The following ZFYVE27 variants were observed in gnomAD, a reference collection of about 807,000 sequenced individuals.
ZFYVE27 encodes zinc finger FYVE-type containing 27, also known as protrudin.
A neutral mutation model predicts 52.8 loss-of-function variants in ZFYVE27; 36 were observed. The ratio of observed to expected loss-of-function variants is 0.68; its 90% CI spans 0.52 to 0.90. The LOEUF (loss-of-function observed/expected upper bound fraction) is 0.90. Ranked by LOEUF, ZFYVE27 falls within the 40% of genes least tolerant of loss-of-function variation. ZFYVE27 has a pLI of 0.00. For synonymous variants in ZFYVE27, 223 were observed against 215.6 expected, an observed-to-expected ratio of 1.03 and a Z score of -0.30; for missense variants, 450 against 527.2, an observed-to-expected ratio of 0.85 and a Z score of 1.43.
At chr10:97,752,756 C>T (rs1238141506) in intron 8 of ZFYVE27, 101 bp from the exon 9 acceptor site, 2 of 1,349,092 alleles carry the variant, frequency 1.5e-6, no homozygotes, top group Non-Finnish European at 2.1e-6. Flanking sequence ...AGCAGCGCTT[C>T]CATGCTTCCT....
intron 3 of ZFYVE27, 116 bp downstream of exon 3, chr10:97,743,280 C>A: frequency 1.6e-6 from 2 of 1,218,236 alleles, no homozygotes; most frequent in Non-Finnish European, 2.4e-6. Flanking sequence ...AGTTAGTGTT[C>A]CTCTGTGTCT....
intron 4 of ZFYVE27, among the ~76,000 whole-genome samples, chr10:97,745,258 C>T (rs1205633867): frequency 6.6e-6 from 1 of 151,926 alleles, no homozygotes; most frequent in Non-Finnish European, 1.5e-5. Context: ...CTCACTGCAA[C>T]CTCCGCCTTC....
chr10:97,744,593 G>A (rs1038575544), intron 3 of ZFYVE27, 136 bp from the exon 4 acceptor site: 3 of 982,108 alleles, frequency 3.1e-6, no homozygotes, highest in Admixed American at 4.0e-5. Context: ...GTGAGACACT[G>A]TGTCGTACAG....
chr10:97,752,945 C>T (rs2136256153), intron 9 of ZFYVE27, 68 bp downstream of exon 9: 2 of 1,613,088 alleles, frequency 1.2e-6, no homozygotes, highest in East Asian at 2.2e-5. Flanking sequence ...GCTGCTGCCA[C>T]ACCTCGTGGG....
At chr10:97,757,512 C>T in intron 11 of ZFYVE27, 130 bp from the exon 12 acceptor site, 1 of 1,285,574 alleles carries the variant, frequency 7.8e-7, no homozygotes, top group Non-Finnish European at 1.1e-6. Flanking sequence ...TGCTCTCTTT[C>T]CTGCTCCACT....
chr10:97,757,519 C>T lies in ZFYVE27; in HGVS notation c.1090-123C>T, dbSNP rs2048682625. 3.8e-6 allele frequency: 5 copies of T among 1,307,904 alleles called. No individual in the cohort carries two copies. The Admixed American group carries it at 8.4e-5, about 22-fold the overall frequency. 81.0% of individuals were successfully genotyped at this position (1,307,904 alleles called of 1,614,324 possible). A position where few individuals can be genotyped will look rare whatever the true frequency, so the allele number is the denominator to read the frequency against. On this transcript the variant is annotated intron_variant, in intron 11 of 12. Transcript: ENST00000684270. ...ATTCCATTTGCTCTCTTTCCTGCTC[C>T]ACTTGGGCACCCCCCAGGCCCAGTT...
chr10:97,751,613 C>T, intron 8 of ZFYVE27, 151 bp downstream of exon 8: 2 of 784,392 alleles, frequency 2.5e-6, no homozygotes, highest in South Asian at 1.5e-5. Context: ...GCCACTGAAC[C>T]CCTCCCCACT....
chr10:97,759,665 CTG>C lies in ZFYVE27; in HGVS notation c.*368_*369del, dbSNP rs1259259027. 1 of 373,078 alleles carries C rather than the reference CTG, an allele frequency of 2.7e-6. No homozygotes were observed. The highest frequency in any genetic ancestry group is 5.1e-6 in the Non-Finnish European group (1 of 194,604). The allele number at this position is 373,078 out of a possible 1,614,324, so 23.1% of individuals were successfully genotyped here. ...GGTCTGAAGATCAGGGTCAGTGTGGCTGTGCCTGGGAATTCCAGACCTGAGGT... is the reference window on the plus strand; with the variant it reads ...GGTCTGAAGATCAGGGTCAGTGTGGCTGCCTGGGAATTCCAGACCTGAGGT... On this transcript the variant is annotated 3_prime_UTR_variant, in exon 13 of 13. Coordinates refer to ENST00000684270, the MANE Select transcript of ZFYVE27 (RefSeq NM_001385875.1).
intron 3 of ZFYVE27, 68 bp downstream of exon 3, chr10:97,743,232 C>A: frequency 6.4e-7 from 1 of 1,554,996 alleles, no homozygotes; most frequent in Non-Finnish European, 8.9e-7. Context: ...CTGGATGCAG[C>A]CCCACCCTAT....
At chr10:97,738,886 C>A in intron 2 of ZFYVE27, 1 of 594,126 alleles carries the variant, frequency 1.7e-6, no homozygotes. Context: ...AATGATCCTG[C>A]CTTTCAGCAA....
chr10:97,738,845 C>G (rs2042803488), intron 2 of ZFYVE27, 171 bp downstream of exon 2: 2 of 705,442 alleles, frequency 2.8e-6, no homozygotes, highest in Non-Finnish European at 5.0e-6. Context: ...CCCTGTGTCT[C>G]AGGCCCAGCC....
chr10:97,748,094 G>T (rs1483986073), intron 4 of ZFYVE27, among the ~76,000 whole-genome samples, 175 bp from the exon 5 acceptor site: 1 of 152,176 alleles, frequency 6.6e-6, no homozygotes, highest in Non-Finnish European at 1.5e-5. Context: ...AATGTAGCTG[G>T]GGTGGCTTAG....
intron 12 of ZFYVE27, 34 bp downstream of exon 12, chr10:97,757,757 G>A (rs780098291): frequency 3.1e-6 from 5 of 1,606,670 alleles, no homozygotes; most frequent in Non-Finnish European, 2.6e-6. Context: ...GGCTTGGTTG[G>A]TATCCCGCCC....
intron 10 of ZFYVE27, among the ~76,000 whole-genome samples, chr10:97,755,929 G>A (rs149824580): frequency 3.7e-3 from 569 of 152,286 alleles, no homozygotes; most frequent in Non-Finnish European, 6.1e-3. Context: ...AGAGTTGGTA[G>A]GTGTTGGAAG....
Position 97,759,444 on chromosome 10 carries a change from C to G in ZFYVE27, c.*144C>G, listed in dbSNP as rs376690954. The G allele has an allele frequency of 7.3e-6, 6 of 826,412 alleles. No homozygotes were observed. The South Asian group carries it at 8.7e-5, about 12-fold the overall frequency. The allele number at this position is 826,412 out of a possible 1,614,324, so 51.2% of individuals were successfully genotyped here. ...AGGCTTCCCCTTCCTTCCTCACTCT[C>G]TCCAGCTGGATTCTGGAGCTGTTCT... On this transcript the variant is annotated 3_prime_UTR_variant, in exon 13 of 13. Transcript: ENST00000684270.
chr10:97,751,327 G>A (rs764701350), intron 7 of ZFYVE27, 64 bp from the exon 8 acceptor site: 1 of 1,574,416 alleles, frequency 6.4e-7, no homozygotes, highest in African/African-American at 1.3e-5. Flanking sequence ...TGGGGAGGTG[G>A]TCCTCTGCCT....
chr10:97,752,710 G>A (rs2047303941), intron 8 of ZFYVE27, 147 bp from the exon 9 acceptor site: 3 of 913,752 alleles, frequency 3.3e-6, no homozygotes, highest in Non-Finnish European at 5.2e-6. Flanking sequence ...GGGGGCGTCT[G>A]TCAATGTCAC....
At chr10:97,750,227 G>A in intron 6 of ZFYVE27, 104 bp from the exon 7 acceptor site, 1 of 1,430,120 alleles carries the variant, frequency 7.0e-7, no homozygotes, top group Non-Finnish European at 9.7e-7. Context: ...CTTTCCTGTA[G>A]TGAAGGGAAG....
At chr10:97,752,937 T>G in intron 9 of ZFYVE27, 60 bp downstream of exon 9, 1 of 1,612,266 alleles carries the variant, frequency 6.2e-7, no homozygotes. Context: ...CTGAACCGGC[T>G]GCTGCCACAC....
Sources: allele counts gnomAD v4.1 joint callset (sites outside exome capture counted in the v4.1 genomes callset), GRCh38; gene constraint gnomAD v4.1.1; transcripts MANE v1.5; gene names NCBI Gene and HGNC (gene_info 2026-07-23, HGNC 2026-07-21).